TEX15: variants seen among roughly 807,000 people sequenced by gnomAD.
TEX15 encodes the protein testis-expressed protein 15.
TEX15 carries 171 observed loss-of-function variants against 237.3 expected under a neutral mutation model. That is an observed-to-expected ratio of 0.72 (90% CI 0.64 to 0.82). The LOEUF (loss-of-function observed/expected upper bound fraction) is 0.82, where lower values mean the gene tolerates loss of function less well. Among genes scored for constraint, TEX15 ranks in the 40% least tolerant of loss-of-function variants. TEX15 has a pLI of 0.00. For missense variants in TEX15, 3,750 were observed against 3,646.5 expected (o/e 1.03, Z -0.73); for synonymous variants, 1,338 against 1,269.8 (o/e 1.05, Z -1.14).
In TEX15 at chr8:30,842,076, G is replaced by C; in HGVS notation, c.8091C>G (p.Ser2697Arg). The C allele has an allele frequency of 6.2e-7, 1 of 1,613,600 alleles. No individual in the cohort carries two copies. The highest frequency in any genetic ancestry group is 8.5e-7 in the Non-Finnish European group (1 of 1,179,790). Residue 2697 changes from serine (S) to arginine (R), a missense_variant, in exon 8 of 11, where the codon AGC becomes AGG. By Grantham distance (110) the Ser-to-Arg change is moderately radical. Transcript: ENST00000643185. ...GAGAGTCTTCACATTTGTCTACAGT[G>C]CTCGGTCGTTTTTTAGAGGAATTTG... Reference protein sequence around the residue: ...NISNSSKKRPSTVDKCEDSQE... With the variant: ...NISNSSKKRPRTVDKCEDSQE...
intron 5 of TEX15, among the ~76,000 whole-genome samples, chr8:30,862,256 A>G (rs1808066530): frequency 6.6e-6 from 1 of 152,210 alleles, no homozygotes; most frequent in African/African-American, 2.4e-5. Flanking sequence ...AAACAAAACA[A>G]ACTAAAAACC....
intron 5 of TEX15, among the ~76,000 whole-genome samples, chr8:30,862,546 C>T (rs1046052496): frequency 2.0e-5 from 3 of 151,990 alleles, no homozygotes; most frequent in Non-Finnish European, 4.4e-5. Flanking sequence ...TTACTACATT[C>T]CAAATTTTCT....
rs1400029890 is a variant in TEX15, at chr8:30,850,931, A to G, written c.851-1615T>C. On this transcript the variant is annotated intron_variant, in intron 7 of 10. Coordinates refer to ENST00000643185, the MANE Select transcript of TEX15 (RefSeq NM_001350162.2). The stretch of plus-strand genomic sequence containing the variant: ...GCCCCAACCCCACTAAATAAACAGT[A>G]AGATCCATTAAAAAAAACTTTTTAA... 3.9e-5 allele frequency among the ~76,000 whole-genome samples: 6 copies of G among 152,200 alleles called. No homozygotes were observed. The South Asian group carries it at 1.2e-3, about 32-fold the overall frequency.
At chr8:30,869,092 C>T (rs1808235819) in intron 4 of TEX15, among the ~76,000 whole-genome samples, 1 of 151,184 alleles carries the variant, frequency 6.6e-6, no homozygotes, top group South Asian at 2.1e-4. Flanking sequence ...AAAAATGGGC[C>T]TAAATATGTT....
intron 2 of TEX15, among the ~76,000 whole-genome samples, chr8:30,895,297 CAAAAAA>C (rs34514049): frequency 3.3e-5 from 2 of 60,472 alleles, no homozygotes; most frequent in Non-Finnish European, 7.1e-5. Flanking sequence ...GACTCCATCT[CAAAAAA>C]AAAAAAAAAA....
intron 2 of TEX15, among the ~76,000 whole-genome samples, chr8:30,893,817 T>C (rs1054096646): frequency 1.3e-5 from 2 of 152,250 alleles, no homozygotes. Context: ...ACTTCTTATA[T>C]CTAACTTTTG....
At chr8:30,888,733 G>GA (rs1808719837) in intron 2 of TEX15, 1 of 1,060,832 alleles carries the variant, frequency 9.4e-7, no homozygotes, top group Admixed American at 2.3e-5. Flanking sequence ...AAATTCTACA[G>GA]AAAGATCACA....
chr8:30,858,735 T>A lies in TEX15; in HGVS notation c.783A>T (p.Ser261=). Reference sequence around the variant, plus strand: ...TCATAAGGCGTCCATTATCTACTTTTGAACCAAGAAATTTTACTGTTACTA... The same window carrying A: ...TCATAAGGCGTCCATTATCTACTTTAGAACCAAGAAATTTTACTGTTACTA... ...YAVVTVKFLG[S]KVDNGRLMTS... The change falls in exon 7 of 11, where the codon TCA becomes TCT. Residue 261 remains serine (S), a synonymous_variant. Transcript: ENST00000643185. 1 of 1,535,928 alleles carries A rather than the reference T, an allele frequency of 6.5e-7. No individual in the cohort carries two copies. Among genetic ancestry groups the A allele is most frequent in the Non-Finnish European group, 8.7e-7 (1 of 1,146,790 alleles).
At chr8:30,840,870 T>A (rs1807436147) in intron 8 of TEX15, among the ~76,000 whole-genome samples, 1 of 152,184 alleles carries the variant, frequency 6.6e-6, no homozygotes, top group Non-Finnish European at 1.5e-5. Flanking sequence ...ATCCATAGAT[T>A]ATTCTTACCC....
chr8:30,847,163 G>A lies in TEX15; in HGVS notation c.3004C>T (p.His1002Tyr). Residue 1002 changes from histidine to tyrosine, a missense_variant, in exon 8 of 11, where the codon CAC (histidine) becomes TAC (tyrosine). His to Tyr is a moderately conservative substitution (Grantham distance 83, BLOSUM62 2). Transcript: ENST00000643185. ...MPALSLNNDD[H>Y]QIYQFKETCS... ...GTTTCTTTAAACTGGTATATCTGGT[G>A]ATCGTCATTATTTAGGCTTAATGCA... 1 of 1,613,864 alleles carries A rather than the reference G, an allele frequency of 6.2e-7. No individual in the cohort carries two copies. The highest frequency in any genetic ancestry group is 8.5e-7 in the Non-Finnish European group (1 of 1,179,844).
chr8:30,875,216 A>G, intron 3 of TEX15, 114 bp from the exon 4 acceptor site: 1 of 618,706 alleles, frequency 1.6e-6, no homozygotes, highest in Non-Finnish European at 2.3e-6. Context: ...ATTTTCATTA[A>G]CAACATAAGG....
intron 3 of TEX15, among the ~76,000 whole-genome samples, chr8:30,878,022 C>T (rs1255429055): frequency 6.6e-6 from 1 of 151,716 alleles, no homozygotes; most frequent in Non-Finnish European, 1.5e-5. Flanking sequence ...TTACTCTCTT[C>T]TCCGTATGCA....
Position 30,835,432 on chromosome 8 carries a change from G to T in TEX15, c.9481+1371C>A, listed in dbSNP as rs556396985. ...AAAAATTATTAAAAATAATTAGCTG[G>T]ACATGGTGATGCATGCCTGTAGTTC... On this transcript the variant is annotated intron_variant, in intron 10 of 10. Coordinates refer to ENST00000643185, the MANE Select transcript of TEX15 (RefSeq NM_001350162.2). Among the ~76,000 whole-genome samples the T allele has an allele frequency of 1.3e-4, 20 of 152,016 alleles. 1 individual carries two copies. In the South Asian group the frequency reaches 4.2e-3, roughly 32 times the overall value.
chr8:30,848,432 G>A lies in TEX15; in HGVS notation c.1735C>T (p.His579Tyr). ...GAAGACTGCGAGTCCTGAAAAATGT[G>A]ACTACTGTACTCTTTTGTATAAGCA... ...GNAYTKEYSS[H>Y]IFQDSQSSDL... Residue 579 changes from histidine (H) to tyrosine (Y), a missense_variant, in exon 8 of 11, where the codon CAC (histidine) becomes TAC (tyrosine). Physicochemically the swap from His to Tyr is moderately conservative, Grantham distance 83. Coordinates refer to ENST00000643185, the MANE Select transcript of TEX15 (RefSeq NM_001350162.2). The A allele has an allele frequency of 6.2e-7, 1 of 1,614,094 alleles. No individual in the cohort carries two copies. Among genetic ancestry groups the A allele is most frequent in the Non-Finnish European group, 8.5e-7 (1 of 1,180,006 alleles).
chr8:30,858,576 G>C, intron 7 of TEX15, 92 bp downstream of exon 7: 2 of 1,144,912 alleles, frequency 1.7e-6, no homozygotes, highest in Non-Finnish European at 2.4e-6. Context: ...AGGATTACAG[G>C]TGTGAACCAT....
intron 1 of TEX15, among the ~76,000 whole-genome samples, chr8:30,909,436 T>G (rs1809175308): frequency 8.4e-6 from 1 of 119,634 alleles, no homozygotes; most frequent in African/African-American, 3.3e-5. Context: ...CAGCTAGCTA[T>G]CATTATTTTC....
At chr8:30,866,754 A>G (rs572238021) in intron 5 of TEX15, among the ~76,000 whole-genome samples, 1 of 151,660 alleles carries the variant, frequency 6.6e-6, no homozygotes, top group South Asian at 2.1e-4. Context: ...CGCATGCACA[A>G]AATAGTTCAA....
intron 2 of TEX15, among the ~76,000 whole-genome samples, chr8:30,891,947 TC>T (rs953426858): frequency 2.0e-5 from 3 of 152,186 alleles, no homozygotes; most frequent in Admixed American, 6.5e-5. Flanking sequence ...TGCAAGTAAT[TC>T]CCCCCACTTT....
At chr8:30,851,351 C>A (rs971619840) in intron 7 of TEX15, among the ~76,000 whole-genome samples, 1 of 152,172 alleles carries the variant, frequency 6.6e-6, no homozygotes, top group African/African-American at 2.4e-5. Flanking sequence ...TTAATATGGC[C>A]GGGCAAGGTG....
Sources: allele counts gnomAD v4.1 joint callset (sites outside exome capture counted in the v4.1 genomes callset), GRCh38; gene constraint gnomAD v4.1.1; transcripts MANE v1.5; gene names NCBI Gene and HGNC (gene_info 2026-07-23, HGNC 2026-07-21).